Variants in FBXL7 observed in about 807,000 individuals in gnomAD.
FBXL7 encodes the protein F-box/LRR-repeat protein 7.
A neutral mutation model predicts 38.3 loss-of-function variants in FBXL7; 12 were observed. The observed-to-expected ratio is 0.31, with a 90% CI of 0.20 to 0.51. The LOEUF (loss-of-function observed/expected upper bound fraction) is 0.51, where lower values mean the gene tolerates loss of function less well. Among genes scored for constraint, FBXL7 ranks in the 20% least tolerant of loss-of-function variants. The pLI, the probability that FBXL7 is intolerant of heterozygous loss-of-function variation, is 0.98. For synonymous variants in FBXL7, 297 were observed against 300.9 expected, an observed-to-expected ratio of 0.99 and a Z score of 0.13; for missense variants, 567 against 676.4, an observed-to-expected ratio of 0.84 and a Z score of 1.79.
chr5:15,527,169 G>A (rs114663608), intron 1 of FBXL7, among the ~76,000 whole-genome samples: 2,387 of 152,258 alleles, frequency 0.016, 58 homozygotes, highest in African/African-American at 0.055. Context: ...GCTAACTTGA[G>A]CTTAAATTAA....
At chr5:15,871,397 C>A (rs1308226576) in intron 2 of FBXL7, among the ~76,000 whole-genome samples, 1 of 152,118 alleles carries the variant, frequency 6.6e-6, no homozygotes, top group African/African-American at 2.4e-5. Flanking sequence ...CTCTTCTCCT[C>A]CAAAAGATCA....
chr5:15,625,662 C>T (rs1415007476), intron 2 of FBXL7, among the ~76,000 whole-genome samples: 2 of 151,988 alleles, frequency 1.3e-5, no homozygotes, highest in East Asian at 3.9e-4. Context: ...TCAAAAAAAC[C>T]AACCAGCCAA....
intron 2 of FBXL7, among the ~76,000 whole-genome samples, chr5:15,921,850 G>A (rs1347843207): frequency 6.6e-6 from 1 of 152,162 alleles, no homozygotes; most frequent in African/African-American, 2.4e-5. Context: ...GATAATAAGT[G>A]TGACAGGGTG....
intron 2 of FBXL7, among the ~76,000 whole-genome samples, chr5:15,899,315 C>T (rs1381010129): frequency 6.6e-6 from 1 of 152,190 alleles, no homozygotes; most frequent in African/African-American, 2.4e-5. Context: ...ATCCGCCTGC[C>T]TCGGCCTCCC....
chr5:15,553,555 C>T (rs1028783859), intron 1 of FBXL7, among the ~76,000 whole-genome samples: 1 of 152,208 alleles, frequency 6.6e-6, no homozygotes, highest in Non-Finnish European at 1.5e-5. Context: ...TTCCTACTAT[C>T]TAGCTAGTGC....
intron 2 of FBXL7, among the ~76,000 whole-genome samples, chr5:15,826,339 T>C (rs1468671796): frequency 1.3e-5 from 2 of 152,230 alleles, no homozygotes; most frequent in Admixed American, 6.5e-5. Flanking sequence ...TAAAAACTTT[T>C]GTACTTCGAG....
intron 2 of FBXL7, among the ~76,000 whole-genome samples, chr5:15,737,007 A>G (rs561849443): frequency 5.3e-5 from 8 of 152,290 alleles, no homozygotes; most frequent in Non-Finnish European, 1.0e-4. Context: ...AGGTAGATGC[A>G]GTTATCCTTC....
chr5:15,886,677 A>T (rs1447380513), intron 2 of FBXL7, among the ~76,000 whole-genome samples: 1 of 152,132 alleles, frequency 6.6e-6, no homozygotes, highest in African/African-American at 2.4e-5. Flanking sequence ...TAAACCAAGG[A>T]TCTTCCACTT....
At chr5:15,654,459 A>G (rs1463013833) in intron 2 of FBXL7, among the ~76,000 whole-genome samples, 1 of 150,306 alleles carries the variant, frequency 6.7e-6, no homozygotes, top group Non-Finnish European at 1.5e-5. Flanking sequence ...CTAACAATCT[A>G]CTTACCACTA....
intron 2 of FBXL7, among the ~76,000 whole-genome samples, chr5:15,762,965 G>T (rs961986925): frequency 1.3e-5 from 2 of 151,968 alleles, no homozygotes; most frequent in African/African-American, 4.8e-5. Context: ...CTTCTTAAAT[G>T]GCCCCAAATT....
intron 1 of FBXL7, among the ~76,000 whole-genome samples, chr5:15,568,200 T>G (rs555636021): frequency 8.7e-4 from 133 of 152,128 alleles, no homozygotes; most frequent in African/African-American, 3.0e-3. Flanking sequence ...TGAACTAGTT[T>G]ACAGTCCCAC....
At chr5:15,719,485 G>A (rs1447950944) in intron 2 of FBXL7, among the ~76,000 whole-genome samples, 1 of 148,506 alleles carries the variant, frequency 6.7e-6, no homozygotes, top group Non-Finnish European at 1.5e-5. Context: ...AGCTAAATTA[G>A]CAAGTGATCG....
At chr5:15,750,796 C>CA (rs1439634151) in intron 2 of FBXL7, among the ~76,000 whole-genome samples, 3 of 152,054 alleles carry the variant, frequency 2.0e-5, no homozygotes, top group Non-Finnish European at 4.4e-5. Flanking sequence ...AGTTCTGGAG[C>CA]AAAGCATACA....
intron 2 of FBXL7, among the ~76,000 whole-genome samples, chr5:15,639,369 C>CA (rs1741283928): frequency 2.0e-5 from 3 of 152,206 alleles, no homozygotes; most frequent in South Asian, 4.2e-4. Flanking sequence ...ATCATTGAAT[C>CA]ATGGGGGTGG....
chr5:15,686,012 G>A (rs1743006162), intron 2 of FBXL7, among the ~76,000 whole-genome samples: 1 of 152,094 alleles, frequency 6.6e-6, no homozygotes, highest in Non-Finnish European at 1.5e-5. Flanking sequence ...AGGCCCTGTT[G>A]CCCCTTTTGC....
At chr5:15,650,602 A>G (rs1294816960) in intron 2 of FBXL7, among the ~76,000 whole-genome samples, 1 of 152,246 alleles carries the variant, frequency 6.6e-6, no homozygotes, top group Non-Finnish European at 1.5e-5. Context: ...TATCCACAGT[A>G]GAACTTCTTT....
At chr5:15,622,156 A>G (rs1740670852) in intron 2 of FBXL7, among the ~76,000 whole-genome samples, 3 of 152,156 alleles carry the variant, frequency 2.0e-5, no homozygotes, top group Admixed American at 2.0e-4. Flanking sequence ...CACATATAGC[A>G]CAATTGTTTC....
chr5:15,637,378 C>T (rs1741221215), intron 2 of FBXL7, among the ~76,000 whole-genome samples: 1 of 152,040 alleles, frequency 6.6e-6, no homozygotes, highest in Non-Finnish European at 1.5e-5. Flanking sequence ...CTAAGACAAA[C>T]AAGAATGAAA....
At chr5:15,752,164 G>A (rs1344583330) in intron 2 of FBXL7, among the ~76,000 whole-genome samples, 1 of 76,322 alleles carries the variant, frequency 1.3e-5, no homozygotes, top group Non-Finnish European at 3.4e-5. Flanking sequence ...TAAAATTGCA[G>A]GGGGCTAGGA....
Sources: gnomAD v4.1 joint callset for allele counts (sites outside exome capture counted in the v4.1 genomes callset) on GRCh38, gnomAD v4.1.1 for gene constraint, MANE v1.5 for transcripts, NCBI Gene and HGNC (gene_info 2026-07-23, HGNC 2026-07-21) for gene names.